The following SATB1 variants were observed in gnomAD, a reference collection of about 807,000 sequenced individuals.
SATB1 encodes SATB homeobox 1.
In SATB1, 11 loss-of-function variants were observed where a neutral mutation model predicts 86.9. The ratio of observed to expected loss-of-function variants is 0.13; its 90% CI spans 0.08 to 0.21. The LOEUF (loss-of-function observed/expected upper bound fraction) is 0.21, where lower values mean the gene tolerates loss of function less well. Ranked by LOEUF, SATB1 falls within the 10% of genes least tolerant of loss-of-function variation. The probability of loss-of-function intolerance (pLI) is 1.00; values close to 1 mark genes in which losing one functional copy is unlikely to be tolerated. For missense variants in SATB1, 551 were observed against 937.6 expected, an observed-to-expected ratio of 0.59 and a Z score of 5.39; for synonymous variants, 357 against 357.2, an observed-to-expected ratio of 1.00 and a Z score of 0.01.
chr3:18,400,252 T>C (rs1287359078), intron 5 of SATB1, among the ~76,000 whole-genome samples: 1 of 152,156 alleles, frequency 6.6e-6, no homozygotes, highest in African/African-American at 2.4e-5. Flanking sequence ...TTAAAAAGAT[T>C]GCACTAAGCT....
At position 18,349,770 on chromosome 3, in the gene SATB1, A is replaced by G. The variant is rs1279227020; in HGVS notation, c.1780-88T>C. The G allele has an allele frequency of 2.0e-6, 3 of 1,487,590 alleles. No homozygotes were observed. The highest frequency in any genetic ancestry group is 1.8e-6 in the Non-Finnish European group (2 of 1,121,692). 92.1% of individuals were successfully genotyped at this position (1,487,590 alleles called of 1,614,324 possible). A position where few individuals can be genotyped will look rare whatever the true frequency, so the allele number is the denominator to read the frequency against. On this transcript the variant is annotated intron_variant, in intron 10 of 10. Coordinates refer to ENST00000338745, the MANE Select transcript of SATB1 (RefSeq NM_002971.6). The surrounding 1 kb of genome is among the most constrained non-coding windows in gnomAD (Gnocchi z 5.5). ...CCAATCAGGAAAAATGTGGTCCCGG[A>G]TCCTACATATAGCTTCTTTGATAGG...
At chr3:18,379,835 A>G (rs1378328850) in intron 8 of SATB1, among the ~76,000 whole-genome samples, 1 of 152,216 alleles carries the variant, frequency 6.6e-6, no homozygotes, top group Non-Finnish European at 1.5e-5. Flanking sequence ...ACAGCAGGTA[A>G]GGCAGGACAG....
intron 4 of SATB1, 89 bp from the exon 5 acceptor site, chr3:18,415,323 C>G: frequency 1.3e-6 from 2 of 1,483,918 alleles, no homozygotes; most frequent in East Asian, 2.3e-5. Context: ...TTTCATTTTG[C>G]GCATCAAACA....
At chr3:18,385,438 C>T (rs1040262426) in intron 8 of SATB1, among the ~76,000 whole-genome samples, 2 of 151,912 alleles carry the variant, frequency 1.3e-5, no homozygotes, top group Admixed American at 6.6e-5. Context: ...CTGACTAACA[C>T]GGTGAAACCC....
At chr3:18,362,875 A>AC (rs1694981884) in intron 9 of SATB1, among the ~76,000 whole-genome samples, 2 of 145,692 alleles carry the variant, frequency 1.4e-5, no homozygotes, top group Non-Finnish European at 3.0e-5. Flanking sequence ...AAAAAAAAAA[A>AC]AAAAAACCAA....
intron 5 of SATB1, among the ~76,000 whole-genome samples, chr3:18,399,839 G>A (rs1192212677): frequency 6.6e-6 from 1 of 152,104 alleles, no homozygotes; most frequent in African/African-American, 2.4e-5. Flanking sequence ...TTGGAGTCAT[G>A]TCTATTTTTA....
intron 9 of SATB1, among the ~76,000 whole-genome samples, chr3:18,366,737 T>G (rs1321009913): frequency 6.6e-6 from 1 of 152,132 alleles, no homozygotes; most frequent in South Asian, 2.1e-4. Context: ...AAAGTGTATA[T>G]CAATCATGAG....
chr3:18,355,025 A>T (rs1003076855), intron 9 of SATB1, among the ~76,000 whole-genome samples: 3 of 152,168 alleles, frequency 2.0e-5, no homozygotes, highest in African/African-American at 7.2e-5. Context: ...TTGATGAATT[A>T]TAAGTCGAAG....
At chr3:18,425,980 T>G (rs1575178917), upstream of SATB1, among the ~76,000 whole-genome samples, 1 of 149,274 alleles carries the variant, frequency 6.7e-6, no homozygotes, top group South Asian at 2.2e-4. Flanking sequence ...ACAGGCGAGG[T>G]GGGGGGACAG....
At position 18,352,295 on chromosome 3, in the gene SATB1, C is replaced by T. The variant is rs1694405119; in HGVS notation, c.1576-100G>A. The T allele has an allele frequency of 2.0e-6, 2 of 1,002,352 alleles. No individual in the cohort carries two copies. The highest frequency in any genetic ancestry group is 3.0e-6 in the Non-Finnish European group (2 of 661,846). The allele number at this position is 1,002,352 out of a possible 1,614,324, so 62.1% of individuals were successfully genotyped here. ...GAAAAACCCTATGAATTAACTTTTT[C>T]ATAAGCTCAGAACACACCATTCTGC... On this transcript the variant is annotated intron_variant, in intron 9 of 10. Transcript: ENST00000338745. The surrounding 1 kb of genome is among the most constrained non-coding windows in gnomAD (Gnocchi z 4.1).
chr3:18,391,518 TCCCTCCC>T (rs1696671713), intron 7 of SATB1, among the ~76,000 whole-genome samples: 1 of 112,514 alleles, frequency 8.9e-6, no homozygotes, highest in Non-Finnish European at 1.8e-5. Context: ...CCCAATGCTA[TCCCTCCC>T]CCCTCCCCCC....
chr3:18,404,403 A>G (rs2125134831), intron 5 of SATB1, among the ~76,000 whole-genome samples: 1 of 152,176 alleles, frequency 6.6e-6, no homozygotes, highest in East Asian at 1.9e-4. Context: ...CAGTTGTCAT[A>G]GTTATGGCTC....
chr3:18,388,201 T>C (rs1472851083), intron 7 of SATB1, among the ~76,000 whole-genome samples: 1 of 152,130 alleles, frequency 6.6e-6, no homozygotes, highest in Admixed American at 6.5e-5. Flanking sequence ...AAACATCTAG[T>C]CAATTTAACT....
At chr3:18,405,118 TAA>T (rs1297514588) in intron 5 of SATB1, among the ~76,000 whole-genome samples, 3 of 152,058 alleles carry the variant, frequency 2.0e-5, no homozygotes, top group Admixed American at 1.3e-4. Flanking sequence ...TATGATTATT[TAA>T]AATACACTCA....
chr3:18,420,705 G>A, intron 2 of SATB1, 52 bp downstream of exon 2: 1 of 1,475,338 alleles, frequency 6.8e-7, no homozygotes, highest in Non-Finnish European at 9.5e-7. Context: ...GTGTGGCCTT[G>A]TGTAGACAAC....
chr3:18,384,389 C>G (rs1199589286), intron 8 of SATB1, among the ~76,000 whole-genome samples: 1 of 150,948 alleles, frequency 6.6e-6, no homozygotes, highest in African/African-American at 2.4e-5. Context: ...TAAATAAAAC[C>G]AGAGTCCTAG....
intron 8 of SATB1, among the ~76,000 whole-genome samples, chr3:18,383,816 A>T (rs1157458404): frequency 3.3e-5 from 5 of 152,162 alleles, no homozygotes; most frequent in Non-Finnish European, 5.9e-5. Context: ...TGCATTGATA[A>T]TACCTTTAAT....
intron 7 of SATB1, among the ~76,000 whole-genome samples, chr3:18,393,570 C>G (rs905380596): frequency 2.6e-5 from 4 of 152,130 alleles, no homozygotes; most frequent in African/African-American, 9.7e-5. Flanking sequence ...AGTACCTTCA[C>G]AGGAATTGGG....
At chr3:18,382,389 ATTAAT>A (rs1280882534) in intron 8 of SATB1, among the ~76,000 whole-genome samples, 7 of 152,218 alleles carry the variant, frequency 4.6e-5, no homozygotes, top group African/African-American at 1.7e-4. Flanking sequence ...AAACTGCTAA[ATTAAT>A]TTAACTCCAA....
Sources: gnomAD v4.1 joint callset for allele counts (sites outside exome capture counted in the v4.1 genomes callset) on GRCh38, gnomAD v4.1.1 for gene constraint, Gnocchi (gnomAD v3.1) non-coding constraint, MANE v1.5 for transcripts, NCBI Gene and HGNC (gene_info 2026-07-23, HGNC 2026-07-21) for gene names.